The following HAO2 variants were observed in gnomAD, a reference collection of about 807,000 sequenced individuals.
The protein encoded by HAO2 is hydroxyacid oxidase 2.
A neutral mutation model predicts 37.4 loss-of-function variants in HAO2; 42 were observed. That is an observed-to-expected ratio of 1.12 (90% confidence interval 0.88 to 1.45). The LOEUF is 1.45. Among genes scored for constraint, HAO2 ranks in the 40% most tolerant of loss-of-function variants. The pLI is 0.00. For synonymous variants in HAO2, 180 were observed against 162.8 expected (o/e 1.11, Z -0.81); for missense variants, 476 against 430.2 (o/e 1.11, Z -0.94).
chr1:119,393,816 C>G lies in HAO2; in HGVS notation c.1032C>G (p.Asn344Lys). 1 of 1,613,306 alleles carries G rather than the reference C, an allele frequency of 6.2e-7. No homozygotes were observed. Among genetic ancestry groups the G allele is most frequent in the South Asian group, 1.1e-5 (1 of 91,054 alleles). ...GCRSVAEINR[N>K]LVQFSRL Reference sequence around the variant, plus strand: ...GGTCGGTCGCTGAGATCAATCGAAACTTGGTCCAGTTTTCCAGGCTGTAAG... The same window carrying G: ...GGTCGGTCGCTGAGATCAATCGAAAGTTGGTCCAGTTTTCCAGGCTGTAAG... Residue 344 changes from asparagine (N) to lysine (K), a missense_variant, in exon 8 of 8, where the codon AAC becomes AAG. Coordinates refer to ENST00000325945, the MANE Select transcript of HAO2 (RefSeq NM_016527.4).
chr1:119,391,876 A>G (rs146623513), intron 5 of HAO2, among the ~76,000 whole-genome samples: 2 of 152,310 alleles, frequency 1.3e-5, no homozygotes, highest in African/African-American at 4.8e-5. Context: ...CTTGTAAGAC[A>G]GTTAAGTGAG....
intron 4 of HAO2, 100 bp from the exon 5 acceptor site, chr1:119,386,522 C>T: frequency 1.3e-6 from 1 of 756,090 alleles, no homozygotes; most frequent in Admixed American, 2.0e-5. Context: ...TTCCTCCTTC[C>T]AGTTTATAAA....
intron 1 of HAO2, among the ~76,000 whole-genome samples, chr1:119,379,547 T>G (rs1649749248): frequency 6.6e-6 from 1 of 152,214 alleles, no homozygotes; most frequent in African/African-American, 2.4e-5. Flanking sequence ...TGACTAAGGT[T>G]TATTAACCCT....
At chr1:119,371,840 T>G (rs1054992231) in intron 1 of HAO2, among the ~76,000 whole-genome samples, 15 of 152,208 alleles carry the variant, frequency 9.9e-5, no homozygotes, top group African/African-American at 3.6e-4. Context: ...GGAACCATCA[T>G]GCTGCCTCCA....
Position 119,381,217 on chromosome 1 carries a change from G to A in HAO2, c.131+1G>A. ...ATGACAACATTGCAGCATTTAAAAGGTGTGGTCTTCTGTAGCCTGTCTATT... is the reference window on the plus strand; with the variant it reads ...ATGACAACATTGCAGCATTTAAAAGATGTGGTCTTCTGTAGCCTGTCTATT... On this transcript the variant is annotated splice_donor_variant, in intron 2 of 7. Coordinates refer to ENST00000325945, the MANE Select transcript of HAO2 (RefSeq NM_016527.4). LOFTEE classifies it high-confidence loss of function. The A allele has an allele frequency of 6.2e-7, 1 of 1,608,048 alleles. No individual in the cohort carries two copies. The highest frequency in any genetic ancestry group is 8.5e-7 in the Non-Finnish European group (1 of 1,174,484).
intron 1 of HAO2, among the ~76,000 whole-genome samples, chr1:119,377,825 G>C (rs1649597781): frequency 6.6e-6 from 1 of 152,186 alleles, no homozygotes; most frequent in Non-Finnish European, 1.5e-5. Flanking sequence ...CCAGCACTTT[G>C]GGAGGCCAAG....
intron 1 of HAO2, among the ~76,000 whole-genome samples, chr1:119,374,368 A>T (rs1435348025): frequency 1.3e-5 from 2 of 152,170 alleles, no homozygotes; most frequent in African/African-American, 4.8e-5. Flanking sequence ...GCTGTTGTTG[A>T]CAATGCCATG....
At chr1:119,384,749 G>A (rs779240818) in intron 3 of HAO2, 27 bp from the exon 4 acceptor site, 3 of 1,608,694 alleles carry the variant, frequency 1.9e-6, no homozygotes, top group East Asian at 4.5e-5. Context: ...CTGCCCTCCA[G>A]CCTGAGTCAT....
intron 5 of HAO2, among the ~76,000 whole-genome samples, chr1:119,387,519 AACAT>A (rs1650484867): frequency 1.3e-5 from 2 of 152,232 alleles, no homozygotes; most frequent in South Asian, 4.1e-4. Flanking sequence ...TAAATTAGAA[AACAT>A]ACATAAGCAA....
intron 5 of HAO2, among the ~76,000 whole-genome samples, chr1:119,391,371 G>A (rs1354965347): frequency 1.3e-5 from 2 of 152,182 alleles, no homozygotes; most frequent in Admixed American, 6.5e-5. Flanking sequence ...TAGGTGCCTA[G>A]AAGCATAGAT....
intron 6 of HAO2, 44 bp from the exon 7 acceptor site, chr1:119,392,574 C>T (rs1650999623): frequency 7.9e-7 from 1 of 1,269,214 alleles, no homozygotes; most frequent in Non-Finnish European, 1.2e-6. Context: ...TCAGAATGTT[C>T]CTTTATGTCT....
Position 119,382,904 on chromosome 1 carries a change from G to T in HAO2, c.132-11G>T, listed in dbSNP as rs768666792. On this transcript the variant is annotated splice_polypyrimidine_tract_variant and intron_variant, in intron 2 of 7. Coordinates refer to ENST00000325945, the MANE Select transcript of HAO2 (RefSeq NM_016527.4). ...CTCACCAACAGAAGATCTCTTTGTT[G>T]TCCGGCACAGAATTCGCCTCCGTCC... 5 of 1,612,512 alleles carry T rather than the reference G, an allele frequency of 3.1e-6. No individual in the cohort carries two copies. Among genetic ancestry groups the T allele is most frequent in the Non-Finnish European group, 4.2e-6 (5 of 1,178,978 alleles).
At position 119,382,933 on chromosome 1, in the gene HAO2, G is replaced by T; in HGVS notation, c.150G>T (p.Arg50=). ...GGCACAGAATTCGCCTCCGTCCGCG[G>T]TACCTGAGAGATGTGTCTGAGGTGG... The part of the protein sequence containing the change: ...AAFKRIRLRP[R]YLRDVSEVDT... Residue 50 remains arginine (R), a synonymous_variant, in exon 3 of 8, where the codon CGG becomes CGT. Transcript: ENST00000325945. The T allele has an allele frequency of 6.2e-7, 1 of 1,613,762 alleles. No homozygotes were observed. The highest frequency in any genetic ancestry group is 8.5e-7 in the Non-Finnish European group (1 of 1,179,748).
chr1:119,393,612 GAAT>G (rs1201918005), intron 7 of HAO2, among the ~76,000 whole-genome samples, 170 bp from the exon 8 acceptor site: 1 of 152,092 alleles, frequency 6.6e-6, no homozygotes, highest in African/African-American at 2.4e-5. Context: ...CAGGTTCACA[GAAT>G]AATACCCAAT....
At position 119,392,276 on chromosome 1, in the gene HAO2, T is replaced by A; in HGVS notation, c.930+8T>A. ...TGGGGCCTTGCCTGCAAGGTGAGAG[T>A]GGCAAAGCAAACCAGCAAGAAGATA... On this transcript the variant is annotated splice_region_variant and intron_variant, in intron 6 of 7. Coordinates refer to ENST00000325945, the MANE Select transcript of HAO2 (RefSeq NM_016527.4). The A allele has an allele frequency of 6.2e-7, 1 of 1,600,756 alleles. No individual in the cohort carries two copies. Among genetic ancestry groups the A allele is most frequent in the South Asian group, 1.1e-5 (1 of 89,982 alleles).
intron 7 of HAO2, 127 bp downstream of exon 7, chr1:119,392,814 C>G (rs587661689): frequency 1.4e-6 from 1 of 724,724 alleles, no homozygotes; most frequent in African/African-American, 1.7e-5. Context: ...GACAGGCAGG[C>G]AACTTTCAAG....
chr1:119,375,980 C>T (rs1259915003), intron 1 of HAO2, among the ~76,000 whole-genome samples: 1 of 152,166 alleles, frequency 6.6e-6, no homozygotes, highest in African/African-American at 2.4e-5. Flanking sequence ...CCATATCACT[C>T]CACTCCTGGC....
intron 1 of HAO2, among the ~76,000 whole-genome samples, chr1:119,378,593 G>A (rs7529983): frequency 0.12 from 19,006 of 152,182 alleles, 1,840 homozygotes; most frequent in African/African-American, 0.27. Context: ...ATAAAATAGT[G>A]TTTGTTATAT....
At chr1:119,392,402 T>C in intron 6 of HAO2, 134 bp downstream of exon 6, 2 of 787,144 alleles carry the variant, frequency 2.5e-6, no homozygotes, top group Non-Finnish European at 4.2e-6. Flanking sequence ...AAGCTGCATC[T>C]CCATGCTTCT....
Sources: gnomAD v4.1 joint callset for allele counts (sites outside exome capture counted in the v4.1 genomes callset) on GRCh38, gnomAD v4.1.1 for gene constraint, MANE v1.5 for transcripts, NCBI Gene and HGNC (gene_info 2026-07-23, HGNC 2026-07-21) for gene names.